Variants in MBNL1 observed in about 807,000 individuals in gnomAD.
MBNL1 encodes the protein muscleblind like splicing regulator 1.
A neutral mutation model predicts 42.2 loss-of-function variants in MBNL1; 8 were observed. The ratio of observed to expected loss-of-function variants is 0.19; its 90% CI spans 0.11 to 0.34. The LOEUF is 0.34. Among genes scored for constraint, MBNL1 ranks in the 10% least tolerant of loss-of-function variants. The probability of loss-of-function intolerance (pLI) is 1.00; values close to 1 mark genes in which losing one functional copy is unlikely to be tolerated. For synonymous variants in MBNL1, 169 were observed against 173.9 expected (o/e 0.97, Z 0.22); for missense variants, 309 against 495.3 (o/e 0.62, Z 3.57).
chr3:152,358,422 A>G (rs1578612487), intron 2 of MBNL1, among the ~76,000 whole-genome samples: 1 of 152,210 alleles, frequency 6.6e-6, no homozygotes, highest in Non-Finnish European at 1.5e-5. Context: ...AAAAGACAAT[A>G]AATGATAAGT....
At position 152,269,040 on chromosome 3, in the gene MBNL1, G is replaced by A; in HGVS notation, c.-842G>A. 2.2e-6 allele frequency: 1 copy of A among 456,174 alleles called. No individual in the cohort carries two copies. Among genetic ancestry groups the A allele is most frequent in the Non-Finnish European group, 4.4e-6 (1 of 226,956 alleles). The allele number at this position is 456,174 out of a possible 1,614,324, so 28.3% of individuals were successfully genotyped here. A position where few individuals can be genotyped will look rare whatever the true frequency, so the allele number is the denominator to read the frequency against. On this transcript the variant is annotated 5_prime_UTR_variant, in exon 1 of 10. An upstream start codon of the reference 5' UTR is lost. Transcript: ENST00000324210. ...ATCTTGGAATCATGACTCCCACAATGCCTTGGGCACTTGGTCGACAGTGGG... is the reference window on the plus strand; with the variant it reads ...ATCTTGGAATCATGACTCCCACAATACCTTGGGCACTTGGTCGACAGTGGG...
At chr3:152,403,703 G>A (rs1222824449) in intron 2 of MBNL1, among the ~76,000 whole-genome samples, 1 of 152,086 alleles carries the variant, frequency 6.6e-6, no homozygotes, top group Non-Finnish European at 1.5e-5. Context: ...CCTGTGTTGT[G>A]ATACTGCTTT....
chr3:152,298,191 T>C (rs1318692033), intron 1 of MBNL1, among the ~76,000 whole-genome samples: 1 of 152,176 alleles, frequency 6.6e-6, no homozygotes, highest in African/African-American at 2.4e-5. Flanking sequence ...TGAAGAAGTA[T>C]CATCAAATAC....
chr3:152,392,981 T>C (rs187881117), intron 2 of MBNL1, among the ~76,000 whole-genome samples: 221 of 152,336 alleles, frequency 1.5e-3, no homozygotes, highest in South Asian at 7.0e-3. Context: ...TTTGTTGCGT[T>C]GGATCCTAAG....
intron 4 of MBNL1, among the ~76,000 whole-genome samples, chr3:152,438,915 C>T (rs1395079314): frequency 6.6e-6 from 1 of 151,968 alleles, no homozygotes; most frequent in Non-Finnish European, 1.5e-5. Context: ...ATTACATAGG[C>T]GTAATCCAAT....
rs1347085214 is a variant in MBNL1, at chr3:152,463,966, C to CTGAT, written c.*1603_*1606dup. On this transcript the variant is annotated 3_prime_UTR_variant, in exon 10 of 10. Transcript: ENST00000324210. Reference sequence around the variant, plus strand: ...ATATAAGACTGATGTGTTGATTTTACTGATTGTACTGTACATCTATTAAAG... The same window carrying CTGAT: ...ATATAAGACTGATGTGTTGATTTTACTGATTGATTGTACTGTACATCTATTAAAG... 4 of 152,548 alleles carry CTGAT rather than the reference C, an allele frequency of 2.6e-5. No individual in the cohort carries two copies. The highest frequency in any genetic ancestry group is 9.7e-5 in the African/African-American group (4 of 41,436). 9.4% of individuals were successfully genotyped at this position (152,548 alleles called of 1,614,324 possible). A position where few individuals can be genotyped will look rare whatever the true frequency, so the allele number is the denominator to read the frequency against.
chr3:152,291,755 A>G (rs184764002), intron 1 of MBNL1, among the ~76,000 whole-genome samples: 172 of 152,142 alleles, frequency 1.1e-3, no homozygotes, highest in African/African-American at 4.1e-3. Context: ...TCACAGTACT[A>G]TGTAGTATTA....
intron 2 of MBNL1, among the ~76,000 whole-genome samples, chr3:152,317,362 C>T (rs2072576090): frequency 6.6e-6 from 1 of 152,128 alleles, no homozygotes; most frequent in African/African-American, 2.4e-5. Flanking sequence ...CACTGTCACT[C>T]AGGCTGGAGT....
At chr3:152,340,803 A>G in intron 2 of MBNL1, 2 of 1,614,008 alleles carry the variant, frequency 1.2e-6, no homozygotes, top group Non-Finnish European at 1.7e-6. Flanking sequence ...ACTGGACAGA[A>G]CCTACTTTTG....
At chr3:152,327,607 C>G (rs961156442) in intron 2 of MBNL1, among the ~76,000 whole-genome samples, 2 of 152,126 alleles carry the variant, frequency 1.3e-5, no homozygotes, top group Non-Finnish European at 2.9e-5. Context: ...CCTTGGCCTC[C>G]CAAAGTGCTG....
At chr3:152,307,088 C>G (rs942661497) in intron 2 of MBNL1, among the ~76,000 whole-genome samples, 2 of 152,104 alleles carry the variant, frequency 1.3e-5, no homozygotes, top group Non-Finnish European at 2.9e-5. Flanking sequence ...CTCCCACGTT[C>G]AAGCAATTCT....
At chr3:152,447,817 G>A in intron 6 of MBNL1, 44 bp downstream of exon 6, 1 of 1,588,396 alleles carries the variant, frequency 6.3e-7, no homozygotes. Flanking sequence ...ATGATCTACA[G>A]AGAGTCCTAC....
intron 2 of MBNL1, among the ~76,000 whole-genome samples, chr3:152,409,427 T>C (rs2098514542): frequency 1.3e-5 from 2 of 152,012 alleles, no homozygotes; most frequent in Non-Finnish European, 2.9e-5. Context: ...TTACTATTTT[T>C]GGCAAAAATT....
intron 2 of MBNL1, among the ~76,000 whole-genome samples, chr3:152,339,246 T>G (rs1160653683): frequency 6.6e-6 from 1 of 152,164 alleles, no homozygotes; most frequent in East Asian, 1.9e-4. Flanking sequence ...CTTGCTTTAT[T>G]TTTAGATTTT....
chr3:152,417,117 CT>C (rs2098714897), intron 3 of MBNL1, among the ~76,000 whole-genome samples: 3 of 152,170 alleles, frequency 2.0e-5, no homozygotes, highest in Non-Finnish European at 4.4e-5. Flanking sequence ...GCATTTGGGA[CT>C]TTAATGACTG....
At chr3:152,264,255 G>C (rs949535720), upstream of MBNL1, 1 of 152,118 alleles carries the variant, frequency 6.6e-6, no homozygotes, top group African/African-American at 2.4e-5. Context: ...CCTAGAATAG[G>C]AGTTAGCCAT....
chr3:152,258,738 T>C (rs1311683128), intron 2 of MBNL1, among the ~76,000 whole-genome samples: 1 of 152,246 alleles, frequency 6.6e-6, no homozygotes, highest in African/African-American at 2.4e-5. Context: ...ACAGATTTAC[T>C]TCATCGGCTG....
intron 1 of MBNL1, 97 bp downstream of exon 1, chr3:152,269,189 G>T (rs1472079506): frequency 7.7e-6 from 3 of 391,404 alleles, no homozygotes; most frequent in Non-Finnish European, 1.5e-5. Context: ...GGAGGTGCTC[G>T]CCGGCCGCGG....
At chr3:152,364,890 A>G (rs2096259905) in intron 2 of MBNL1, among the ~76,000 whole-genome samples, 1 of 151,364 alleles carries the variant, frequency 6.6e-6, no homozygotes, top group African/African-American at 2.4e-5. Flanking sequence ...CCATTTTTAG[A>G]GTTTTTAGTA....
Sources: gnomAD v4.1 joint callset for allele counts (sites outside exome capture counted in the v4.1 genomes callset) on GRCh38, gnomAD v4.1.1 for gene constraint, MANE v1.5 for transcripts, NCBI Gene and HGNC (gene_info 2026-07-23, HGNC 2026-07-21) for gene names.